The following DMD variants were observed in gnomAD, a reference collection of about 807,000 sequenced individuals.
DMD encodes the protein mutant dystrophin.
A neutral mutation model predicts 330.1 loss-of-function variants in DMD; 63 were observed. The observed-to-expected ratio is 0.19, with a 90% CI of 0.16 to 0.24. DMD has a LOEUF of 0.24. DMD is among the 10% of genes least tolerant of loss of function. The pLI is 1.00. For synonymous variants in DMD, 1,223 were observed against 959.8 expected, an observed-to-expected ratio of 1.27 and a Z score of -5.07; for missense variants, 3,344 against 2,684.1, an observed-to-expected ratio of 1.25 and a Z score of -5.43.
At chrX:32,638,161 T>G (rs1000801525) in intron 11 of DMD, among the ~76,000 whole-genome samples, 1 of 111,927 alleles carries the variant, frequency 8.9e-6, no homozygotes, top group African/African-American at 3.2e-5. Flanking sequence ...GTCCAATAGC[T>G]TAATTATCAA....
At chrX:32,429,574 A>C (rs1008609591) in intron 29 of DMD, among the ~76,000 whole-genome samples, 4 of 105,800 alleles carry the variant, frequency 3.8e-5, no homozygotes, top group African/African-American at 6.9e-5. Flanking sequence ...CTTTTCTTTT[A>C]TTTTATGCTC....
At chrX:31,721,710 C>CTA (rs2085544549) in intron 52 of DMD, among the ~76,000 whole-genome samples, 1 of 54,714 alleles carries the variant, frequency 1.8e-5, no homozygotes, top group Non-Finnish European at 3.1e-5. Context: ...CTCTCTCTCT[C>CTA]TCTCTCTCTA....
intron 2 of DMD, among the ~76,000 whole-genome samples, chrX:32,910,526 C>G (rs1209094432): frequency 9.0e-6 from 1 of 110,942 alleles, no homozygotes; most frequent in Non-Finnish European, 1.9e-5. Flanking sequence ...CCTCCCAATT[C>G]TCCTGCCAAG....
At chrX:31,397,525 T>C (rs905785528) in intron 60 of DMD, among the ~76,000 whole-genome samples, 3 of 112,431 alleles carry the variant, frequency 2.7e-5, no homozygotes, top group Non-Finnish European at 3.8e-5. Context: ...CTCTCAAAAA[T>C]TGGCCAGTTA....
intron 2 of DMD, among the ~76,000 whole-genome samples, chrX:32,921,086 A>G (rs2088350393): frequency 8.9e-6 from 1 of 112,223 alleles, no homozygotes; most frequent in Non-Finnish European, 1.9e-5. Context: ...CTACCTTTGT[A>G]GCCTAAAAGG....
intron 7 of DMD, among the ~76,000 whole-genome samples, chrX:32,767,874 GT>G (rs2073172069): frequency 9.0e-6 from 1 of 111,528 alleles, no homozygotes; most frequent in Non-Finnish European, 1.9e-5. Flanking sequence ...ACCCTACTAT[GT>G]GTCTGTAAAT....
At chrX:32,666,722 G>T (rs1422110046) in intron 9 of DMD, among the ~76,000 whole-genome samples, 1 of 108,978 alleles carries the variant, frequency 9.2e-6, no homozygotes, top group East Asian at 2.9e-4. Context: ...CCATCTACTT[G>T]GGAGGCTGAG....
chrX:32,983,428 T>C (rs1251596204), intron 2 of DMD, among the ~76,000 whole-genome samples: 1 of 109,447 alleles, frequency 9.1e-6, no homozygotes, highest in Non-Finnish European at 1.9e-5. Flanking sequence ...ATTTGGTTTC[T>C]AGATCCAACT....
At chrX:31,422,433 C>T (rs749731194) in intron 60 of DMD, among the ~76,000 whole-genome samples, 8 of 111,410 alleles carry the variant, frequency 7.2e-5, no homozygotes, top group Non-Finnish European at 1.3e-4. Context: ...TATTAAAACA[C>T]GCAGACAATA....
chrX:31,376,477 C>T (rs1048037886), intron 60 of DMD, among the ~76,000 whole-genome samples: 1 of 111,597 alleles, frequency 9.0e-6, no homozygotes, highest in Admixed American at 9.6e-5. Context: ...AAGTAGAGGA[C>T]TTTAAAGTGG....
In DMD at chrX:32,076,499, C is replaced by A. The variant is rs191478420; in HGVS notation, c.6439-107985G>T. Among the ~76,000 whole-genome samples, 468 of 108,180 alleles carry A rather than the reference C, an allele frequency of 4.3e-3. 1 individual carries two copies. Among genetic ancestry groups the A allele is most frequent in the South Asian group, 0.032 (78 of 2,409 alleles). The allele number at this position is 108,180 out of a possible 115,157, so 93.9% of individuals were successfully genotyped here. ...GGTTCACACCATTTTCCTGCCTCAG[C>A]CTCCCGAGTAGCTGGGACTACAGGC... On this transcript the variant is annotated intron_variant, in intron 44 of 78. Transcript: ENST00000357033.
intron 50 of DMD, among the ~76,000 whole-genome samples, chrX:31,784,372 C>G (rs2091183586): frequency 8.9e-6 from 1 of 111,788 alleles, no homozygotes; most frequent in East Asian, 2.8e-4. Flanking sequence ...TGTGGAGAAA[C>G]TGAAACACTT....
intron 1 of DMD, among the ~76,000 whole-genome samples, chrX:33,029,742 A>C: frequency 8.9e-6 from 1 of 112,444 alleles, no homozygotes. Flanking sequence ...ACTTGTGAAG[A>C]ATTAATCGAA....
At chrX:31,809,884 G>A (rs2092407398) in intron 50 of DMD, among the ~76,000 whole-genome samples, 1 of 111,089 alleles carries the variant, frequency 9.0e-6, no homozygotes, top group Non-Finnish European at 1.9e-5. Context: ...ACAAAGTTGA[G>A]ATATATAAGA....
intron 17 of DMD, among the ~76,000 whole-genome samples, chrX:32,537,964 C>G (rs979159494): frequency 8.9e-6 from 1 of 112,383 alleles, no homozygotes; most frequent in Non-Finnish European, 1.9e-5. Context: ...CATTTCTATT[C>G]ACAGCTTGAA....
intron 55 of DMD, among the ~76,000 whole-genome samples, chrX:31,563,055 A>G: frequency 1.2e-5 from 1 of 80,854 alleles, no homozygotes. Context: ...ATTTGTATCT[A>G]TTTATTTATT....
At chrX:32,943,821 T>G (rs1249474367) in intron 2 of DMD, among the ~76,000 whole-genome samples, 1 of 112,373 alleles carries the variant, frequency 8.9e-6, no homozygotes, top group African/African-American at 3.2e-5. Flanking sequence ...TTTCATTATT[T>G]GGTTACAAAT....
chrX:31,688,820 C>T (rs2148798496), intron 52 of DMD, among the ~76,000 whole-genome samples: 1 of 111,685 alleles, frequency 9.0e-6, no homozygotes, highest in Non-Finnish European at 1.9e-5. Flanking sequence ...TCAACATACG[C>T]AAATCAATAA....
At chrX:33,196,959 T>C (rs184614449) in intron 1 of DMD, among the ~76,000 whole-genome samples, 1 of 111,604 alleles carries the variant, frequency 9.0e-6, no homozygotes, top group African/African-American at 3.3e-5. Flanking sequence ...GCTTGTCATA[T>C]AGGGTTTTTG....
Sources: allele counts gnomAD v4.1 joint callset (sites outside exome capture counted in the v4.1 genomes callset), GRCh38; gene constraint gnomAD v4.1.1; transcripts MANE v1.5; gene names NCBI Gene and HGNC (gene_info 2026-07-23, HGNC 2026-07-21).